RBFOX1: variants seen among roughly 807,000 people sequenced by gnomAD.
RBFOX1 encodes RNA binding protein fox-1 homolog 1.
RBFOX1 carries 8 observed loss-of-function variants against 57.7 expected under a neutral mutation model. The observed-to-expected ratio is 0.14, with a 90% confidence interval of 0.08 to 0.25. The LOEUF is 0.25. RBFOX1 is among the 10% of genes least tolerant of loss of function. The pLI, the probability that RBFOX1 is intolerant of heterozygous loss-of-function variation, is 1.00. For missense variants in RBFOX1, 611 were observed against 548.5 expected (o/e 1.11, Z -1.14); for synonymous variants, 326 against 222.4 (o/e 1.47, Z -4.15).
chr16:5,825,609 C>A (rs1365250881), intron 3 of RBFOX1, among the ~76,000 whole-genome samples: 2 of 152,164 alleles, frequency 1.3e-5, no homozygotes, highest in African/African-American at 4.8e-5. Context: ...TTAAAGTGTA[C>A]AATGTAAGGA....
At chr16:5,511,336 C>G (rs752400946) in intron 2 of RBFOX1, among the ~76,000 whole-genome samples, 3 of 152,194 alleles carry the variant, frequency 2.0e-5, no homozygotes, top group Non-Finnish European at 4.4e-5. Flanking sequence ...GCTGAGGTTA[C>G]TGGTCTTTGG....
intron 2 of RBFOX1, among the ~76,000 whole-genome samples, chr16:6,393,452 C>T (rs957339612): frequency 7.2e-5 from 11 of 152,146 alleles, no homozygotes; most frequent in African/African-American, 1.2e-4. Context: ...TGCCCAGTCC[C>T]TATAAAAAGG....
intron 14 of RBFOX1, among the ~76,000 whole-genome samples, chr16:7,679,740 C>G (rs2074267005): frequency 6.6e-6 from 1 of 151,968 alleles, no homozygotes. Flanking sequence ...CCATCATCTT[C>G]TTGGTTAAAT....
intron 1 of RBFOX1, among the ~76,000 whole-genome samples, chr16:6,116,050 G>C (rs377331627): frequency 3.3e-5 from 5 of 152,148 alleles, no homozygotes; most frequent in Non-Finnish European, 7.3e-5. Flanking sequence ...ACTTGATAAA[G>C]AAAATGTGGC....
chr16:6,307,498 A>G (rs1439703146), intron 1 of RBFOX1, among the ~76,000 whole-genome samples: 2 of 150,294 alleles, frequency 1.3e-5, no homozygotes, highest in South Asian at 2.1e-4. Context: ...ATTGATCTAA[A>G]TACATATGTA....
At chr16:6,672,822 C>T (rs1028118411) in intron 3 of RBFOX1, among the ~76,000 whole-genome samples, 53 of 152,166 alleles carry the variant, frequency 3.5e-4, no homozygotes, top group African/African-American at 1.3e-3. Flanking sequence ...GTAATCCTAA[C>T]TTAAGCCCAT....
chr16:6,380,398 A>ATTTTTTTTT (rs60498960), intron 2 of RBFOX1, among the ~76,000 whole-genome samples: 1 of 49,156 alleles, frequency 2.0e-5, no homozygotes, highest in African/African-American at 7.7e-5. Context: ...AATGGTGGGG[A>ATTTTTTTTT]TTTTTTTTTT....
rs1288989039 is a variant in RBFOX1, at chr16:6,020,003, G to C, written c.-127+11G>C. 6 of 1,515,746 alleles carry C rather than the reference G, an allele frequency of 4.0e-6. No individual in the cohort carries two copies. The highest frequency in any genetic ancestry group is 5.3e-6 in the Non-Finnish European group (6 of 1,133,258). The allele number at this position is 1,515,746 out of a possible 1,614,324, so 93.9% of individuals were successfully genotyped here. A position where few individuals can be genotyped will look rare whatever the true frequency, so the allele number is the denominator to read the frequency against. ...CGCCGGGAGTTCTAGGTAAGTCCAG[G>C]CGGAGTCATTGCCTCTGCACCCACC... On this transcript the variant is annotated intron_variant, in intron 1 of 15. Transcript: ENST00000550418.
At chr16:5,919,990 G>A (rs1808547459) in intron 4 of RBFOX1, among the ~76,000 whole-genome samples, 1 of 152,094 alleles carries the variant, frequency 6.6e-6, no homozygotes, top group African/African-American at 2.4e-5. Flanking sequence ...CCAGGCTGGA[G>A]TGCAGTGGCG....
At chr16:6,857,421 G>T (rs950504502) in intron 3 of RBFOX1, among the ~76,000 whole-genome samples, 1 of 127,732 alleles carries the variant, frequency 7.8e-6, no homozygotes, top group Non-Finnish European at 1.8e-5. Context: ...CAAATCCCAT[G>T]TACGCCAGCT....
chr16:6,102,431 G>A (rs529151014), intron 1 of RBFOX1, among the ~76,000 whole-genome samples: 7 of 152,144 alleles, frequency 4.6e-5, no homozygotes, highest in South Asian at 2.1e-4. Flanking sequence ...GTCTTACAAC[G>A]GTGTCATTTG....
At chr16:7,096,025 A>AAAAAG (rs1567237467) in intron 4 of RBFOX1, among the ~76,000 whole-genome samples, 18 of 148,626 alleles carry the variant, frequency 1.2e-4, no homozygotes, top group African/African-American at 3.2e-4. Context: ...AAAAAAAAAA[A>AAAAAG]AAAAGAAAAG....
At chr16:7,228,315 C>T (rs1033908485) in intron 4 of RBFOX1, among the ~76,000 whole-genome samples, 6 of 152,124 alleles carry the variant, frequency 3.9e-5, no homozygotes, top group African/African-American at 1.4e-4. Flanking sequence ...TTATTATTCA[C>T]ATATTAGGAG....
At chr16:6,489,914 G>C (rs574802764) in intron 2 of RBFOX1, among the ~76,000 whole-genome samples, 2 of 148,252 alleles carry the variant, frequency 1.3e-5, no homozygotes, top group African/African-American at 4.8e-5. Flanking sequence ...TAATTGTCAT[G>C]TTGGAAAAAT....
At chr16:5,353,372 GAA>G (rs34034136) in intron 1 of RBFOX1, among the ~76,000 whole-genome samples, 107 of 136,522 alleles carry the variant, frequency 7.8e-4, no homozygotes, top group African/African-American at 2.8e-3. Flanking sequence ...AGTAGTGTCT[GAA>G]AAAAAAAAAA....
chr16:6,567,788 C>G (rs1424196564), intron 2 of RBFOX1, among the ~76,000 whole-genome samples: 3 of 152,080 alleles, frequency 2.0e-5, no homozygotes, highest in African/African-American at 7.2e-5. Context: ...GCATTTAGGG[C>G]TTTATGGACA....
At chr16:5,868,934 T>C (rs1005787026) in intron 4 of RBFOX1, among the ~76,000 whole-genome samples, 11 of 152,216 alleles carry the variant, frequency 7.2e-5, no homozygotes, top group African/African-American at 2.7e-4. Flanking sequence ...GCACCATTTA[T>C]TTATAATTGC....
At chr16:7,219,865 T>C (rs1357033074) in intron 4 of RBFOX1, among the ~76,000 whole-genome samples, 2 of 152,212 alleles carry the variant, frequency 1.3e-5, no homozygotes, top group Non-Finnish European at 1.5e-5. Context: ...AGTGTATTTA[T>C]ATAAAGAAGT....
chr16:5,588,649 C>G (rs1046270615), intron 2 of RBFOX1, among the ~76,000 whole-genome samples: 2 of 152,150 alleles, frequency 1.3e-5, no homozygotes, highest in African/African-American at 4.8e-5. Context: ...ATGGACAGCA[C>G]TTTGCAGACT....
Sources: allele counts gnomAD v4.1 joint callset (sites outside exome capture counted in the v4.1 genomes callset), GRCh38; gene constraint gnomAD v4.1.1; transcripts MANE v1.5; gene names NCBI Gene and HGNC (gene_info 2026-07-23, HGNC 2026-07-21).